Variants in THSD4 observed in about 807,000 individuals in gnomAD.
The protein encoded by THSD4 is thrombospondin type 1 domain containing 4, also known as thrombospondin type-1 domain-containing protein 4.
THSD4 carries 69 observed loss-of-function variants against 119.0 expected under a neutral mutation model. That is an observed-to-expected ratio of 0.58 (90% CI 0.48 to 0.71). The LOEUF (loss-of-function observed/expected upper bound fraction) is 0.71. THSD4 is among the 30% of genes least tolerant of loss of function. THSD4 has a pLI of 0.00. For missense variants in THSD4, 1,393 were observed against 1,391.1 expected (o/e 1.00, Z -0.02); for synonymous variants, 524 against 540.4 (o/e 0.97, Z 0.42).
intron 7 of THSD4, among the ~76,000 whole-genome samples, chr15:71,576,966 A>G (rs2049458628): frequency 6.6e-6 from 1 of 152,082 alleles, no homozygotes; most frequent in Non-Finnish European, 1.5e-5. Flanking sequence ...CCTATATTGG[A>G]GTGATATACA....
chr15:71,585,852 G>C (rs1277452120), intron 7 of THSD4, among the ~76,000 whole-genome samples: 1 of 151,910 alleles, frequency 6.6e-6, no homozygotes, highest in Non-Finnish European at 1.5e-5. Context: ...TCTTTCTTCT[G>C]CGTGATTGAG....
intron 7 of THSD4, among the ~76,000 whole-genome samples, chr15:71,524,763 ATTTTTTTT>A (rs35666244): frequency 3.0e-4 from 35 of 116,094 alleles, no homozygotes; most frequent in Admixed American, 4.6e-4. Flanking sequence ...CGCCCGGCTA[ATTTTTTTT>A]TTTTTTTTTT....
intron 6 of THSD4, among the ~76,000 whole-genome samples, chr15:71,273,996 A>G (rs2044562112): frequency 6.6e-6 from 1 of 152,226 alleles, no homozygotes; most frequent in Non-Finnish European, 1.5e-5. Flanking sequence ...GGAAAATTCC[A>G]GCAGGTTTCT....
At chr15:71,491,151 TTCCACTACTAAAATGTGAAAACA>T (rs1211775859) in intron 7 of THSD4, among the ~76,000 whole-genome samples, 3 of 152,242 alleles carry the variant, frequency 2.0e-5, no homozygotes, top group Non-Finnish European at 4.4e-5. Flanking sequence ...TGATTGACTG[TTCCACTACTAAAATGTGAAAACA>T]TGCCCTTTTC....
At position 71,103,196 on chromosome 15, in the gene THSD4, C is replaced by T. The variant is rs139649729; in HGVS notation, c.-80+6190C>T. ...AATGAAACAGATTATATTATTTTTG[C>T]GAGTCCAAACCTGCCTCTTGGGCTG... On this transcript the variant is annotated intron_variant, in intron 1 of 17. Coordinates refer to the THSD4 transcript ENST00000355327. Among the ~76,000 whole-genome samples, 1,259 of 149,888 alleles carry T rather than the reference C, an allele frequency of 8.4e-3. 6 individuals are homozygous for T. The highest frequency in any genetic ancestry group is 0.012 in the Non-Finnish European group (798 of 67,732).
chr15:71,772,073 A>G (rs1182417825), intron 17 of THSD4, among the ~76,000 whole-genome samples: 2 of 152,232 alleles, frequency 1.3e-5, no homozygotes, highest in African/African-American at 4.8e-5. Flanking sequence ...CTGGTTCCAG[A>G]ATGGAGGTGC....
At chr15:71,281,020 T>C (rs1160279691) in intron 6 of THSD4, among the ~76,000 whole-genome samples, 1 of 152,234 alleles carries the variant, frequency 6.6e-6, no homozygotes, top group Non-Finnish European at 1.5e-5. Context: ...CTGTAACTTG[T>C]GGGTTAGCAA....
At chr15:71,579,147 A>G (rs193187804) in intron 7 of THSD4, among the ~76,000 whole-genome samples, 59 of 152,304 alleles carry the variant, frequency 3.9e-4, no homozygotes, top group Non-Finnish European at 7.2e-4. Flanking sequence ...TTTTTAATCA[A>G]ACTAGCAGTA....
At chr15:71,461,327 C>T (rs1219690782) in intron 7 of THSD4, among the ~76,000 whole-genome samples, 1 of 152,168 alleles carries the variant, frequency 6.6e-6, no homozygotes, top group Non-Finnish European at 1.5e-5. Flanking sequence ...TAAGAAAGTG[C>T]GAGGTAGAAG....
At chr15:71,711,970 CTTCTTCTTAAAATAA>C (rs1262198732) in intron 8 of THSD4, among the ~76,000 whole-genome samples, 1 of 152,094 alleles carries the variant, frequency 6.6e-6, no homozygotes, top group African/African-American at 2.4e-5. Flanking sequence ...ACACTTTAGT[CTTCTTCTTAAAATAA>C]TTGATAGAAC....
intron 6 of THSD4, among the ~76,000 whole-genome samples, chr15:71,306,096 A>G (rs925424876): frequency 6.6e-6 from 1 of 152,140 alleles, no homozygotes; most frequent in African/African-American, 2.4e-5. Flanking sequence ...TCACGAGGTC[A>G]GGAGTTCAAG....
chr15:71,642,433 A>G (rs2050876072), intron 7 of THSD4, among the ~76,000 whole-genome samples: 1 of 152,136 alleles, frequency 6.6e-6, no homozygotes, highest in Non-Finnish European at 1.5e-5. Context: ...CATTTGACCC[A>G]GCCATCCCAT....
chr15:71,240,796 T>TGTACACACAC (rs1383171832), intron 4 of THSD4, among the ~76,000 whole-genome samples: 1 of 98,362 alleles, frequency 1.0e-5, no homozygotes, highest in East Asian at 3.0e-4. Flanking sequence ...TATATATGTG[T>TGTACACACAC]ATACACACAC....
At chr15:71,592,308 T>C (rs924572322) in intron 7 of THSD4, among the ~76,000 whole-genome samples, 3 of 152,148 alleles carry the variant, frequency 2.0e-5, no homozygotes, top group Non-Finnish European at 4.4e-5. Context: ...GTGAAGCCCA[T>C]GATGGGCAGG....
In THSD4 at chr15:71,154,889, G is replaced by A. The variant is rs756381800; in HGVS notation, c.56G>A (p.Gly19Glu). Residue 19 changes from glycine (G) to glutamate (E), a missense_variant, in exon 3 of 18, where the codon GGA becomes GAA. Gly to Glu is a moderately conservative substitution (Grantham distance 98, BLOSUM62 -2). Transcript: ENST00000261862. ...LSVLCFLLLL[G>E]FQFVCPQPST... ...GTCCTGTGTTTCCTTCTGCTGCTTG[G>A]ATTCCAGTTCGTCTGCCCACAGCCC... 6.2e-7 allele frequency: 1 copy of A among 1,614,120 alleles called. No individual in the cohort carries two copies.
chr15:71,390,849 CTTTT>C (rs1010882999), intron 6 of THSD4, among the ~76,000 whole-genome samples: 3 of 90,880 alleles, frequency 3.3e-5, no homozygotes, highest in Non-Finnish European at 4.2e-5. Context: ...TTGGCTAAAT[CTTTT>C]TTTTTTTTTT....
At chr15:71,352,495 G>C (rs1008756153) in intron 6 of THSD4, among the ~76,000 whole-genome samples, 13 of 152,206 alleles carry the variant, frequency 8.5e-5, no homozygotes, top group African/African-American at 2.9e-4. Context: ...TGCTGGAGCT[G>C]TTATGAGTGG....
At chr15:71,515,219 C>T (rs929623178) in intron 7 of THSD4, among the ~76,000 whole-genome samples, 3 of 152,210 alleles carry the variant, frequency 2.0e-5, no homozygotes, top group African/African-American at 7.2e-5. Context: ...GTGCTAAGTA[C>T]TACCTCTTTT....
intron 6 of THSD4, among the ~76,000 whole-genome samples, chr15:71,276,379 G>A (rs1217638758): frequency 6.6e-6 from 1 of 152,178 alleles, no homozygotes; most frequent in East Asian, 1.9e-4. Flanking sequence ...TGATTTCTGT[G>A]CTTTGGGGCT....
Sources: allele counts gnomAD v4.1 joint callset (sites outside exome capture counted in the v4.1 genomes callset), GRCh38; gene constraint gnomAD v4.1.1; transcripts MANE v1.5; gene names NCBI Gene and HGNC (gene_info 2026-07-23, HGNC 2026-07-21).